IFT172: variants seen among roughly 807,000 people sequenced by gnomAD.
IFT172 encodes intraflagellar transport protein 172 homolog.
Under a neutral mutation model 248.9 loss-of-function variants are expected in IFT172, and 164 were observed. The observed-to-expected ratio is 0.66, with a 90% CI of 0.58 to 0.75. IFT172 has a LOEUF of 0.75. Among genes scored for constraint, IFT172 ranks in the 30% least tolerant of loss-of-function variants. The probability of loss-of-function intolerance (pLI) is 0.00; values close to 1 mark genes in which losing one functional copy is unlikely to be tolerated. For missense variants in IFT172, 1,950 were observed against 2,192.4 expected (o/e 0.89, Z 2.21); for synonymous variants, 729 against 791.6 (o/e 0.92, Z 1.33).
Position 27,454,774 on chromosome 2 carries a change from G to T in IFT172, c.3372-114C>A, listed in dbSNP as rs2148490418. 2 of 876,654 alleles carry T rather than the reference G, an allele frequency of 2.3e-6. No homozygotes were observed. The highest frequency in any genetic ancestry group is 2.6e-5 in the East Asian group (1 of 37,884). 54.3% of individuals were successfully genotyped at this position (876,654 alleles called of 1,614,324 possible). On this transcript the variant is annotated intron_variant, in intron 30 of 47. Coordinates refer to ENST00000260570, the MANE Select transcript of IFT172 (RefSeq NM_015662.3). This position sits in a 1 kb window ranked among gnomAD's most constrained non-coding sequence, Gnocchi z 4.2. Reference sequence around the variant, plus strand: ...GGGGAGAAAAAGTGACAGATTTAAGGATAACAAATATGAAGTGACAGAAAA... The same window carrying T: ...GGGGAGAAAAAGTGACAGATTTAAGTATAACAAATATGAAGTGACAGAAAA...
At chr2:27,449,831 T>C (rs765454415) in intron 36 of IFT172, 31 bp from the exon 37 acceptor site, 3 of 1,538,886 alleles carry the variant, frequency 1.9e-6, no homozygotes, top group Non-Finnish European at 2.7e-6. Flanking sequence ...GTGGAGACTT[T>C]CTCCTCGCTC....
Position 27,458,775 on chromosome 2 carries a change from C to T in IFT172, c.2877+4G>A, listed in dbSNP as rs2148500065. On this transcript the variant is annotated splice_donor_region_variant and intron_variant, in intron 26 of 47. Transcript: ENST00000260570. ...CTCTTATCATGAACTCCACCCATCC[C>T]TACCTTGTGGGCTTGTTCCCAACGA... The T allele has an allele frequency of 6.2e-7, 1 of 1,613,974 alleles. No individual in the cohort carries two copies.
At chr2:27,456,120 G>A (rs1030296671) in intron 30 of IFT172, among the ~76,000 whole-genome samples, 2 of 152,014 alleles carry the variant, frequency 1.3e-5, no homozygotes, top group African/African-American at 4.8e-5. Context: ...GCTGAGGCAG[G>A]AGAATCATTT....
At position 27,485,100 on chromosome 2, in the gene IFT172, T is replaced by C; in HGVS notation, c.214A>G (p.Met72Val). The C allele has an allele frequency of 6.2e-7, 1 of 1,608,606 alleles. No homozygotes were observed. The highest frequency in any genetic ancestry group is 1.7e-4 in the Middle Eastern group (1 of 6,058). ...TTAGTGGAATCAGGAGAAAAAGCCATGCCCTTCACCATATAGCTCTTCCTG... is the reference window on the plus strand; with the variant it reads ...TTAGTGGAATCAGGAGAAAAAGCCACGCCCTTCACCATATAGCTCTTCCTG... ...YGRKSYMVKG[M>V]AFSPDSTKIA... The change falls in exon 3 of 48, where the codon ATG becomes GTG. Residue 72 changes from methionine (M) to valine (V), a missense_variant. Coordinates refer to ENST00000260570, the MANE Select transcript of IFT172 (RefSeq NM_015662.3).
rs184506506 is a variant in IFT172, at chr2:27,448,980, G to A, written c.4363C>T (p.Arg1455Trp). ...YVALYATHLIREGSSAQALAL... is the reference protein window; with the variant it reads ...YVALYATHLIWEGSSAQALAL... ...AATGCCTGGGCAGAGCTACCCTCCC[G>A]GATCAAGTGAGTTGCATACAAAGCC... The change falls in exon 40 of 48, where the codon CGG (arginine) becomes TGG (tryptophan). Residue 1455 changes from arginine (R) to tryptophan (W), a missense_variant. Arg to Trp is a moderately radical substitution (Grantham distance 101). Transcript: ENST00000260570. The A allele has an allele frequency of 6.1e-4, 981 of 1,612,422 alleles. No homozygotes were observed. Among genetic ancestry groups the A allele is most frequent in the Non-Finnish European group, 7.5e-4 (885 of 1,178,454 alleles).
chr2:27,477,410 C>T, intron 12 of IFT172, 90 bp from the exon 13 acceptor site: 2 of 1,288,718 alleles, frequency 1.6e-6, no homozygotes, highest in Non-Finnish European at 2.3e-6. Context: ...GTGACTACCA[C>T]TTTTCTCCTT....
chr2:27,445,031 A>G lies in IFT172; in HGVS notation c.5143T>C (p.Phe1715Leu), dbSNP rs373184496. Reference sequence around the variant, plus strand: ...TCTCTAACCTTGATGGCCATAAGGAATTTATTCCAGTTGTCCTTGTTAGCA... The same window carrying G: ...TCTCTAACCTTGATGGCCATAAGGAGTTTATTCCAGTTGTCCTTGTTAGCA... ...KAANKDNWNK[F>L]LMAIKTSHSP... Residue 1715 changes from phenylalanine (F) to leucine (L), a missense_variant, in exon 47 of 48, where the codon TTC becomes CTC. Phe to Leu is a conservative substitution (Grantham distance 22). Coordinates refer to ENST00000260570, the MANE Select transcript of IFT172 (RefSeq NM_015662.3). This position sits in a 1 kb window ranked among gnomAD's most constrained non-coding sequence, Gnocchi z 4.4. 8 of 1,613,994 alleles carry G rather than the reference A, an allele frequency of 5.0e-6. No individual in the cohort carries two copies. The highest frequency in any genetic ancestry group is 6.8e-6 in the Non-Finnish European group (8 of 1,180,004).
chr2:27,475,832 A>G lies in IFT172; in HGVS notation c.1411+809T>C, dbSNP rs1572809262. On this transcript the variant is annotated intron_variant, in intron 14 of 47. Transcript: ENST00000260570. ...TTTTTCATAGAGATAGGGTCTCACC[A>G]TGTTGCCTAGGCTGGTCTCAAACTC... Among the ~76,000 whole-genome samples, 8 of 151,324 alleles carry G rather than the reference A, an allele frequency of 5.3e-5. No homozygotes were observed. The South Asian group carries it at 1.5e-3, about 28-fold the overall frequency.
At chr2:27,461,589 T>C in intron 21 of IFT172, 72 bp from the exon 22 acceptor site, 1 of 1,566,970 alleles carries the variant, frequency 6.4e-7, no homozygotes, top group Non-Finnish European at 8.8e-7. Flanking sequence ...GCTTCTCCAA[T>C]CCCTCTATAA....
At chr2:27,462,296 G>A (rs369717427) in intron 20 of IFT172, among the ~76,000 whole-genome samples, 2 of 152,130 alleles carry the variant, frequency 1.3e-5, no homozygotes, top group African/African-American at 4.8e-5. Flanking sequence ...GCCTCCCAGC[G>A]TGCTGGGATT....
intron 16 of IFT172, among the ~76,000 whole-genome samples, chr2:27,467,955 TTGAGACCACCC>T (rs1667234776): frequency 2.0e-5 from 3 of 152,102 alleles, no homozygotes; most frequent in South Asian, 2.1e-4. Context: ...GGTCAGGAGA[TTGAGACCACCC>T]TGGCCAACAC....
At position 27,477,267 on chromosome 2, in the gene IFT172, A is replaced by T; in HGVS notation, c.1275T>A (p.Asn425Lys). 1 of 1,614,172 alleles carries T rather than the reference A, an allele frequency of 6.2e-7. No homozygotes were observed. The highest frequency in any genetic ancestry group is 8.5e-7 in the Non-Finnish European group (1 of 1,180,032). ...GELTLVEYGN[N>K]DTLGSVRTEF... ...CAGTGCGTACAGAACCCAGGGTGTC[A>T]TTATTCCCATATTCCACCAGGGTTA... Residue 425 changes from asparagine to lysine, a missense_variant, in exon 13 of 48, where the codon AAT becomes AAA. Asn to Lys is a moderately conservative substitution (Grantham distance 94). Around this residue, in one of 3 missense-constraint regions of IFT172, gnomAD observed 1,166 missense variants for 1,254.1 expected, o/e 0.93. Coordinates refer to ENST00000260570, the MANE Select transcript of IFT172 (RefSeq NM_015662.3).
chr2:27,477,332 G>A lies in IFT172; in HGVS notation c.1222-12C>T, dbSNP rs932093969. The A allele has an allele frequency of 2.5e-6, 4 of 1,609,320 alleles. No individual in the cohort carries two copies. The Admixed American group carries it at 5.0e-5, about 20-fold the overall frequency. On this transcript the variant is annotated splice_polypyrimidine_tract_variant and intron_variant, in intron 12 of 47. Transcript: ENST00000260570. Reference sequence around the variant, plus strand: ...AAGATCATGCATACCTGGGAAAAATGGAGTTGTTATACGGTGGAAAGGCTA... The same window carrying A: ...AAGATCATGCATACCTGGGAAAAATAGAGTTGTTATACGGTGGAAAGGCTA...
rs1665446592 is a variant in IFT172 at position 27,449,361 on chromosome 2, A to G, written c.4244T>C (p.Ile1415Thr). 6.2e-7 allele frequency: 1 copy of G among 1,614,160 alleles called. No homozygotes were observed. Among genetic ancestry groups the G allele is most frequent in the African/African-American group, 1.3e-5 (1 of 75,048 alleles). The change falls in exon 39 of 48, where the codon ATA becomes ACA. Residue 1415 changes from isoleucine (I) to threonine (T), a missense_variant. Ile to Thr is a moderately conservative substitution (Grantham distance 89, BLOSUM62 -1). Around this residue, in one of 3 missense-constraint regions of IFT172, gnomAD observed 620 missense variants for 699.0 expected, o/e 0.89. Coordinates refer to ENST00000260570, the MANE Select transcript of IFT172 (RefSeq NM_015662.3). ...CTCCACATACAGGTCCAAAGCAGCT[A>G]TCACATCCACACCCACCAGCTGGGT... ...KVDSLVGVDVIAALDLYVEQG... is the reference protein window; with the variant it reads ...KVDSLVGVDVTAALDLYVEQG...
chr2:27,451,501 C>G (rs865963873), intron 35 of IFT172, among the ~76,000 whole-genome samples: 4 of 152,136 alleles, frequency 2.6e-5, no homozygotes, highest in Admixed American at 2.6e-4. Context: ...CGGTGGCTCA[C>G]GCCTGTAATC....
At chr2:27,485,611 A>T in intron 1 of IFT172, 108 bp from the exon 2 acceptor site, 1 of 1,315,966 alleles carries the variant, frequency 7.6e-7, no homozygotes, top group Middle Eastern at 2.4e-4. Context: ...TCTTCCTGTC[A>T]CGGTTCTATC....
Position 27,449,127 on chromosome 2 carries a change from G to C in IFT172, c.4312-96C>G. The C allele has an allele frequency of 4.6e-6, 5 of 1,077,414 alleles. No individual in the cohort carries two copies. In the South Asian group the frequency reaches 5.0e-5, roughly 11 times the overall value. The allele number at this position is 1,077,414 out of a possible 1,614,324, so 66.7% of individuals were successfully genotyped here. On this transcript the variant is annotated intron_variant, in intron 39 of 47. Coordinates refer to ENST00000260570, the MANE Select transcript of IFT172 (RefSeq NM_015662.3). Reference sequence around the variant, plus strand: ...GCCATGTATTTGTTGAGGGGAAAAAGGGTGTACGCAAACCTCTGACCCCAG... The same window carrying C: ...GCCATGTATTTGTTGAGGGGAAAAACGGTGTACGCAAACCTCTGACCCCAG...
In IFT172 at chr2:27,445,517, TGAG is replaced by T; in HGVS notation, c.4915-71_4915-69del. 1 of 1,527,506 alleles carries T rather than the reference TGAG, an allele frequency of 6.5e-7. No individual in the cohort carries two copies. Among genetic ancestry groups the T allele is most frequent in the African/African-American group, 1.4e-5 (1 of 73,388 alleles). 94.6% of individuals were successfully genotyped at this position (1,527,506 alleles called of 1,614,324 possible). On this transcript the variant is annotated intron_variant, in intron 45 of 47. Coordinates refer to ENST00000260570, the MANE Select transcript of IFT172 (RefSeq NM_015662.3). This position sits in a 1 kb window ranked among gnomAD's most constrained non-coding sequence, Gnocchi z 4.4. ...GGCAGGACAAGTTGGGGTGGATGGGTGAGGAGGGGGTTTGCTAAGCCCTCATCC... is the reference window on the plus strand; with the variant it reads ...GGCAGGACAAGTTGGGGTGGATGGGTGAGGGGGTTTGCTAAGCCCTCATCC...
chr2:27,478,276 G>T, intron 10 of IFT172, 120 bp from the exon 11 acceptor site: 1 of 1,142,626 alleles, frequency 8.8e-7, no homozygotes. Context: ...TTCTTCCCTG[G>T]GTCTAGGATA....
Sources: gnomAD v4.1 joint callset for allele counts (sites outside exome capture counted in the v4.1 genomes callset) on GRCh38, gnomAD v4.1.1 for gene constraint, gnomAD v4.1.1 regional missense constraint, Gnocchi (gnomAD v3.1) non-coding constraint, MANE v1.5 for transcripts, NCBI Gene and HGNC (gene_info 2026-07-23, HGNC 2026-07-21) for gene names.